NIBAN1: variants seen among roughly 807,000 people sequenced by gnomAD.
The protein encoded by NIBAN1 is niban apoptosis regulator 1.
NIBAN1 carries 81 observed loss-of-function variants against 75.1 expected under a neutral mutation model. The observed-to-expected ratio is 1.08, with a 90% confidence interval of 0.90 to 1.30. The LOEUF is 1.30. Among genes scored for constraint, NIBAN1 ranks in the 50% most tolerant of loss-of-function variants. The pLI, the probability that NIBAN1 is intolerant of heterozygous loss-of-function variation, is 0.00. For synonymous variants in NIBAN1, 436 were observed against 424.8 expected, an observed-to-expected ratio of 1.03 and a Z score of -0.32; for missense variants, 1,133 against 1,128.1, an observed-to-expected ratio of 1.00 and a Z score of -0.06.
At chr1:184,863,596 A>G (rs1655874074) in intron 5 of NIBAN1, among the ~76,000 whole-genome samples, 1 of 152,232 alleles carries the variant, frequency 6.6e-6, no homozygotes, top group Admixed American at 6.5e-5. Flanking sequence ...CTTCTGGAGC[A>G]AAACAAAATA....
At chr1:184,855,760 C>T (rs1286780861) in intron 5 of NIBAN1, among the ~76,000 whole-genome samples, 2 of 152,140 alleles carry the variant, frequency 1.3e-5, no homozygotes, top group African/African-American at 2.4e-5. Context: ...CTTTGTTTTG[C>T]TCATTGCTGT....
chr1:184,964,437 C>T (rs901391070), intron 1 of NIBAN1, among the ~76,000 whole-genome samples: 2 of 152,232 alleles, frequency 1.3e-5, no homozygotes, highest in African/African-American at 2.4e-5. Context: ...CAGCACAGCT[C>T]GGTTAACAGC....
rs1658178603 is a variant in NIBAN1, at chr1:184,944,653, A to T, written c.55+29649T>A. Among the ~76,000 whole-genome samples the T allele has an allele frequency of 2.0e-5, 3 of 152,260 alleles. No individual in the cohort carries two copies. The South Asian group carries it at 6.2e-4, about 31-fold the overall frequency. On this transcript the variant is annotated intron_variant, in intron 1 of 13. Transcript: ENST00000367511. ...TAGGACAGTAAAGAAAGCAATGCTT[A>T]TATAAAACCATGAAACCAGTTGTCA... is the stretch of plus-strand genomic sequence containing the variant.
rs565690100 is a variant in NIBAN1, at chr1:184,807,378, G to A, written c.1335+696C>T. Among the ~76,000 whole-genome samples the A allele has an allele frequency of 4.0e-5, 6 of 151,694 alleles. No homozygotes were observed. The South Asian group carries it at 6.2e-4, about 16-fold the overall frequency. On this transcript the variant is annotated intron_variant, in intron 10 of 13. Transcript: ENST00000367511. ...TCAAGAAATTCAAATATGAAGCTGT[G>A]ATTGATTGATTGGTTTACTCTTAAT... is the stretch of plus-strand genomic sequence containing the variant.
intron 5 of NIBAN1, among the ~76,000 whole-genome samples, chr1:184,852,442 C>G (rs1342448342): frequency 6.6e-6 from 1 of 152,188 alleles, no homozygotes; most frequent in Non-Finnish European, 1.5e-5. Context: ...TCCTTATGGA[C>G]AAGGACTGTC....
chr1:184,949,216 G>T (rs1658301145), intron 1 of NIBAN1, among the ~76,000 whole-genome samples: 1 of 152,150 alleles, frequency 6.6e-6, no homozygotes. Context: ...AAATTAGCCA[G>T]GCGTGGTGGC....
intron 3 of NIBAN1, among the ~76,000 whole-genome samples, chr1:184,892,357 G>C (rs1246012696): frequency 6.6e-6 from 1 of 152,162 alleles, no homozygotes. Context: ...TATCTAGTAA[G>C]TGGTAAAGGT....
chr1:184,889,902 TG>T (rs1437261237), intron 4 of NIBAN1, among the ~76,000 whole-genome samples: 5 of 152,214 alleles, frequency 3.3e-5, no homozygotes, highest in Non-Finnish European at 2.9e-5. Flanking sequence ...GTCTGTCCTG[TG>T]CATGGTAGGA....
intron 12 of NIBAN1, among the ~76,000 whole-genome samples, chr1:184,800,409 CT>C (rs1453606634): frequency 6.6e-6 from 1 of 151,896 alleles, no homozygotes; most frequent in Non-Finnish European, 1.5e-5. Flanking sequence ...GTTGCCATTG[CT>C]TTTGGCGTTT....
intron 11 of NIBAN1, among the ~76,000 whole-genome samples, chr1:184,804,838 G>T (rs1438007805): frequency 1.3e-5 from 2 of 151,406 alleles, no homozygotes; most frequent in East Asian, 3.9e-4. Flanking sequence ...CCCAGAGCTG[G>T]AGTATAGTGG....
chr1:184,795,139 C>G lies in NIBAN1; in HGVS notation c.2625G>C (p.Thr875=). Residue 875 remains threonine, a synonymous_variant, in exon 14 of 14, where the codon ACG becomes ACC. Transcript: ENST00000367511. ...MGGQSSAAQA[T]ASVNAEEIKV... ...TGATCTCCTCTGCATTCACACTGGC[C>G]GTGGCCTGGGCCGCGCTGCTTTGCC... 1 of 1,614,180 alleles carries G rather than the reference C, an allele frequency of 6.2e-7. No homozygotes were observed. Among genetic ancestry groups the G allele is most frequent in the South Asian group, 1.1e-5 (1 of 91,092 alleles).
At chr1:184,802,534 A>G (rs1391496432) in intron 12 of NIBAN1, among the ~76,000 whole-genome samples, 1 of 152,272 alleles carries the variant, frequency 6.6e-6, no homozygotes, top group African/African-American at 2.4e-5. Flanking sequence ...CCTATGAAAG[A>G]AATATGCCCC....
Position 184,917,414 on chromosome 1 carries a change from A to C in NIBAN1, c.56-18105T>G, listed in dbSNP as rs182448137. Among the ~76,000 whole-genome samples, 4 of 122,858 alleles carry C rather than the reference A, an allele frequency of 3.3e-5. No homozygotes were observed. The East Asian group carries it at 7.0e-4, about 22-fold the overall frequency. 80.6% of individuals were successfully genotyped at this position (122,858 alleles called of 152,430 possible). A position where few individuals can be genotyped will look rare whatever the true frequency, so the allele number is the denominator to read the frequency against. Reference sequence around the variant, plus strand: ...TTTTTAGTAGAGACGGGGTTTCACCATGTTAGCCAGGAAGGTCTTGATCTG... The same window carrying C: ...TTTTTAGTAGAGACGGGGTTTCACCCTGTTAGCCAGGAAGGTCTTGATCTG... On this transcript the variant is annotated intron_variant, in intron 1 of 13. Transcript: ENST00000367511.
chr1:184,835,147 G>A (rs1655103414), intron 5 of NIBAN1, among the ~76,000 whole-genome samples: 1 of 152,154 alleles, frequency 6.6e-6, no homozygotes, highest in Admixed American at 6.5e-5. Context: ...AAGATCAGAT[G>A]GTTGTAGATG....
rs14426 is a variant in NIBAN1, at chr1:184,794,391, A to G, written c.*586T>C. ...GACAGTCCCACAGATCACACCTTCCACCCTCCATTTCCGCTTAGCTTCTCT... is the reference window on the plus strand; with the variant it reads ...GACAGTCCCACAGATCACACCTTCCGCCCTCCATTTCCGCTTAGCTTCTCT... On this transcript the variant is annotated 3_prime_UTR_variant, in exon 14 of 14. Transcript: ENST00000367511. 82,294 of 157,238 alleles carry G rather than the reference A, an allele frequency of 0.52. 22,638 individuals carry two copies. The highest frequency in any genetic ancestry group is 0.69 in the African/African-American group (28,777 of 41,410). 9.7% of individuals were successfully genotyped at this position (157,238 alleles called of 1,614,324 possible).
chr1:184,867,356 A>G (rs1362723580), intron 5 of NIBAN1, among the ~76,000 whole-genome samples: 1 of 152,242 alleles, frequency 6.6e-6, no homozygotes, highest in Non-Finnish European at 1.5e-5. Flanking sequence ...AAGAAGCACT[A>G]GAAAGATACA....
chr1:184,972,691 C>T (rs1658969645), intron 1 of NIBAN1, among the ~76,000 whole-genome samples: 1 of 152,210 alleles, frequency 6.6e-6, no homozygotes, highest in Non-Finnish European at 1.5e-5. Flanking sequence ...TTCATCTGCC[C>T]TAACTCCCTC....
intron 8 of NIBAN1, among the ~76,000 whole-genome samples, chr1:184,820,461 A>T (rs1187752966): frequency 6.6e-6 from 1 of 152,138 alleles, no homozygotes; most frequent in Non-Finnish European, 1.5e-5. Flanking sequence ...GCTCATAAAC[A>T]TCCTACTCCT....
chr1:184,842,669 C>T (rs1655323254), intron 5 of NIBAN1, among the ~76,000 whole-genome samples: 1 of 147,932 alleles, frequency 6.8e-6, no homozygotes, highest in African/African-American at 2.5e-5. Flanking sequence ...AGGAGAATCA[C>T]TTGAACCCGG....
Sources: gnomAD v4.1 joint callset for allele counts (sites outside exome capture counted in the v4.1 genomes callset) on GRCh38, gnomAD v4.1.1 for gene constraint, MANE v1.5 for transcripts, NCBI Gene and HGNC (gene_info 2026-07-23, HGNC 2026-07-21) for gene names.